MLIP: variants seen among roughly 807,000 people sequenced by gnomAD.
MLIP encodes the protein muscular LMNA-interacting protein.
A neutral mutation model predicts 84.8 loss-of-function variants in MLIP; 79 were observed. The observed-to-expected ratio is 0.93, with a 90% CI of 0.78 to 1.12. MLIP has a LOEUF of 1.12. Among genes scored for constraint, MLIP ranks in the 50% most tolerant of loss-of-function variants. MLIP has a pLI of 0.00. For synonymous variants in MLIP, 504 were observed against 463.0 expected, an observed-to-expected ratio of 1.09 and a Z score of -1.14; for missense variants, 1,257 against 1,160.6, an observed-to-expected ratio of 1.08 and a Z score of -1.21.
chr6:54,120,766 G>A (rs1770382875), intron 1 of MLIP, among the ~76,000 whole-genome samples: 1 of 151,918 alleles, frequency 6.6e-6, no homozygotes, highest in Non-Finnish European at 1.5e-5. Context: ...TTCATGGGTT[G>A]GGTAGGCACC....
rs906644283 is a variant in MLIP at position 54,037,778 on chromosome 6, CAA to C, written c.63+18689_63+18690del. On this transcript the variant is annotated intron_variant, in intron 1 of 12. Transcript: ENST00000274897. ...AGAGGATAGTGAGTAATGGTAAAAA[CAA>C]AGTTACCAGTGCTGAGTGCTTAAGG... Among the ~76,000 whole-genome samples, 141 of 152,014 alleles carry C rather than the reference CAA, an allele frequency of 9.3e-4. 1 individual carries two copies. The highest frequency in any genetic ancestry group is 3.3e-3 in the African/African-American group (138 of 41,532).
chr6:54,031,150 G>A (rs780399225), intron 1 of MLIP, among the ~76,000 whole-genome samples: 4 of 151,984 alleles, frequency 2.6e-5, no homozygotes, highest in East Asian at 1.9e-4. Context: ...CCAAATAAAG[G>A]CAACAATATT....
intron 1 of MLIP, among the ~76,000 whole-genome samples, chr6:54,068,566 T>G (rs1482777550): frequency 9.9e-6 from 1 of 100,516 alleles, no homozygotes; most frequent in Admixed American, 9.2e-5. Flanking sequence ...ATTCCCCAAT[T>G]TAAGAAACCC....
At chr6:54,254,742 C>T (rs376645816) in intron 12 of MLIP, among the ~76,000 whole-genome samples, 8 of 125,100 alleles carry the variant, frequency 6.4e-5, no homozygotes, top group South Asian at 5.8e-4. Flanking sequence ...TTTTCTCCCT[C>T]CCTTCCTTCC....
Position 54,211,780 on chromosome 6 carries a change from C to T in MLIP, c.2718+9547C>T, listed in dbSNP as rs139137429. The stretch of plus-strand genomic sequence containing the variant: ...ACATTCCCACACAACAAAGAATTAC[C>T]CAGCCTCAAATGGCAATAATGCTGG... On this transcript the variant is annotated intron_variant, in intron 11 of 13. Transcript: ENST00000502396. Among the ~76,000 whole-genome samples the T allele has an allele frequency of 4.5e-3, 687 of 152,294 alleles. 9 individuals are homozygous for T. The highest frequency in any genetic ancestry group is 0.016 in the African/African-American group (658 of 41,562).
intron 1 of MLIP, among the ~76,000 whole-genome samples, chr6:54,100,041 C>T (rs1768527000): frequency 6.6e-6 from 1 of 152,150 alleles, no homozygotes; most frequent in Non-Finnish European, 1.5e-5. Flanking sequence ...TCTACGTACA[C>T]ACTTAATGTT....
At chr6:54,047,018 G>T (rs1765099248) in intron 1 of MLIP, 2 of 152,172 alleles carry the variant, frequency 1.3e-5, no homozygotes, top group Non-Finnish European at 2.9e-5. Flanking sequence ...CTGCACTTGA[G>T]ATTAGCTGCA....
chr6:54,070,567 C>A (rs1049674243), intron 1 of MLIP, among the ~76,000 whole-genome samples: 1 of 152,100 alleles, frequency 6.6e-6, no homozygotes, highest in African/African-American at 2.4e-5. Flanking sequence ...CTTGTGGAAA[C>A]TTTTTCACAG....
In MLIP at chr6:54,149,059, T is replaced by A. The variant is rs1366235422; in HGVS notation, c.2221T>A (p.Tyr741Asn). The A allele has an allele frequency of 4.3e-6, 7 of 1,612,628 alleles. No homozygotes were observed. Among genetic ancestry groups the A allele is most frequent in the Admixed American group, 3.3e-5 (2 of 59,910 alleles). ...TGPENKKSKQ[Y>N]KTKSSYKAFA... ...GCTTTCTGGTTGCCCATTCTAGCAA[T>A]ACAAGACCAAGTCAAGCTACAAGGC... The change falls in exon 5 of 14, where the codon TAC becomes AAC. Residue 741 changes from tyrosine to asparagine, a missense_variant. Physicochemically the swap from Tyr to Asn is moderately radical, Grantham distance 143. Transcript: ENST00000502396.
At position 54,041,152 on chromosome 6, in the gene MLIP, C is replaced by T. The variant is rs184068762; in HGVS notation, c.63+22061C>T. 7 of 152,226 alleles carry T rather than the reference C, an allele frequency of 4.6e-5. No homozygotes were observed. In the East Asian group the frequency reaches 1.3e-3, roughly 29 times the overall value. The allele number at this position is 152,226 out of a possible 1,614,324, so 9.4% of individuals were successfully genotyped here. A position where few individuals can be genotyped will look rare whatever the true frequency, so the allele number is the denominator to read the frequency against. On this transcript the variant is annotated intron_variant, in intron 1 of 12. Transcript: ENST00000274897. ...TGCCCTTTTTTAGTTATATCTTTCC[C>T]TACCCCCAACTCCTGGCAACCACTG... is the stretch of plus-strand genomic sequence containing the variant.
chr6:54,261,544 A>G lies in MLIP; in HGVS notation c.2976+4183A>G. 2 of 978,554 alleles carry G rather than the reference A, an allele frequency of 2.0e-6. 1 individual carries two copies. Among genetic ancestry groups the G allele is most frequent in the South Asian group, 9.5e-5 (2 of 21,148 alleles). The allele number at this position is 978,554 out of a possible 1,614,324, so 60.6% of individuals were successfully genotyped here. On this transcript the variant is annotated intron_variant, in intron 13 of 13. Transcript: ENST00000502396. ...TTTGATAAACATTTAATGGTTTACA[A>G]CATAACAATTCTGTTAGCAAGGTGA...
At chr6:54,259,247 G>T (rs1407643629) in intron 13 of MLIP, among the ~76,000 whole-genome samples, 1 of 151,662 alleles carries the variant, frequency 6.6e-6, no homozygotes, top group Non-Finnish European at 1.5e-5. Context: ...CTTTCAGTAT[G>T]ATAGTGGCAA....
chr6:54,035,604 G>A (rs1764386472), intron 1 of MLIP, among the ~76,000 whole-genome samples: 1 of 151,972 alleles, frequency 6.6e-6, no homozygotes, highest in Non-Finnish European at 1.5e-5. Flanking sequence ...GAGTGTCACA[G>A]TTTCTCTATG....
intron 11 of MLIP, among the ~76,000 whole-genome samples, chr6:54,223,699 A>G (rs1299283921): frequency 6.6e-6 from 1 of 152,048 alleles, no homozygotes; most frequent in African/African-American, 2.4e-5. Context: ...GGATTCACTG[A>G]GAGTATTTTT....
At chr6:54,234,387 CTTA>C (rs2150815480) in intron 12 of MLIP, among the ~76,000 whole-genome samples, 1 of 152,208 alleles carries the variant, frequency 6.6e-6, no homozygotes, top group South Asian at 2.1e-4. Context: ...AAAGTTAGAT[CTTA>C]TTATCACTAA....
At chr6:54,092,273 A>G (rs1014974172) in intron 1 of MLIP, among the ~76,000 whole-genome samples, 1 of 152,192 alleles carries the variant, frequency 6.6e-6, no homozygotes, top group African/African-American at 2.4e-5. Flanking sequence ...GGATCATTCT[A>G]CATGCTTGTG....
intron 1 of MLIP, among the ~76,000 whole-genome samples, chr6:54,055,008 C>G (rs1258708613): frequency 6.6e-6 from 1 of 152,094 alleles, no homozygotes; most frequent in East Asian, 1.9e-4. Context: ...CTGCCTCAGC[C>G]TCCCGAGTAG....
chr6:54,074,448 CGAAGACCTT>C (rs1766670746), intron 1 of MLIP, among the ~76,000 whole-genome samples: 1 of 151,942 alleles, frequency 6.6e-6, no homozygotes, highest in South Asian at 2.1e-4. Context: ...TTTTAAAAAA[CGAAGACCTT>C]TTGATTACAG....
intron 10 of MLIP, among the ~76,000 whole-genome samples, chr6:54,201,333 C>T (rs1340619957): frequency 6.6e-6 from 1 of 152,056 alleles, no homozygotes; most frequent in Non-Finnish European, 1.5e-5. Context: ...AAGGAAAGAA[C>T]GTCAGGAAAG....
Sources: allele counts gnomAD v4.1 joint callset (sites outside exome capture counted in the v4.1 genomes callset), GRCh38; gene constraint gnomAD v4.1.1; transcripts MANE v1.5; gene names NCBI Gene and HGNC (gene_info 2026-07-23, HGNC 2026-07-21).